Variants in ZMYM2 observed in about 807,000 individuals in gnomAD.
ZMYM2 encodes zinc finger MYM-type containing 2.
In ZMYM2, 56 loss-of-function variants were observed where a neutral mutation model predicts 162.8. The observed-to-expected ratio is 0.34, with a 90% CI of 0.28 to 0.43. The LOEUF (loss-of-function observed/expected upper bound fraction) is 0.43. Among genes scored for constraint, ZMYM2 ranks in the 20% least tolerant of loss-of-function variants. ZMYM2 has a pLI of 1.00. For missense variants in ZMYM2, 1,275 were observed against 1,621.8 expected, an observed-to-expected ratio of 0.79 and a Z score of 3.67; for synonymous variants, 510 against 541.6, an observed-to-expected ratio of 0.94 and a Z score of 0.81.
the ZMYM2 span, among the ~76,000 whole-genome samples, chr13:19,875,612 G>A: frequency 9.0e-6 from 1 of 111,258 alleles, no homozygotes; most frequent in East Asian, 2.7e-4. Flanking sequence ...TGGCAACAGA[G>A]CAAGACTCCA....
intron 2 of ZMYM2, among the ~76,000 whole-genome samples, chr13:19,977,813 T>C (rs929769231): frequency 1.3e-5 from 2 of 151,504 alleles, no homozygotes; most frequent in African/African-American, 2.4e-5. Flanking sequence ...TCTTCTATTA[T>C]TGCTTTTTAT....
the ZMYM2 span, among the ~76,000 whole-genome samples, chr13:19,933,954 A>C: frequency 1.3e-5 from 2 of 152,210 alleles, no homozygotes; most frequent in Non-Finnish European, 2.9e-5. Flanking sequence ...TTATCAGTGC[A>C]TTTAACCCAT....
chr13:19,898,292 G>T, the ZMYM2 span, among the ~76,000 whole-genome samples: 1,315 of 151,280 alleles, frequency 8.7e-3, 23 homozygotes, highest in African/African-American at 0.031. Context: ...GAGTGCAGTG[G>T]CACGATCTTG....
the ZMYM2 span, among the ~76,000 whole-genome samples, chr13:19,868,767 T>C: frequency 6.6e-6 from 1 of 152,164 alleles, no homozygotes; most frequent in Non-Finnish European, 1.5e-5. Flanking sequence ...ATTATTATTT[T>C]TGAGACAGAA....
the ZMYM2 span, among the ~76,000 whole-genome samples, chr13:19,951,241 A>G: frequency 1.9e-3 from 286 of 152,310 alleles, 1 homozygote; most frequent in African/African-American, 6.6e-3. Context: ...GAGATACATT[A>G]AAAAGCTTCT....
chr13:20,004,139 T>C (rs1024543910), intron 4 of ZMYM2, among the ~76,000 whole-genome samples: 4 of 152,250 alleles, frequency 2.6e-5, no homozygotes, highest in Non-Finnish European at 4.4e-5. Flanking sequence ...ATTCAAATAC[T>C]GAAACAATTG....
intron 10 of ZMYM2, among the ~76,000 whole-genome samples, chr13:20,032,596 TGTC>T (rs148202408): frequency 0.044 from 6,050 of 137,508 alleles, 310 homozygotes; most frequent in Non-Finnish European, 0.072. Flanking sequence ...ATTTTTTTTC[TGTC>T]TTTTTTTTTT....
chr13:19,911,805 A>C, the ZMYM2 span, among the ~76,000 whole-genome samples: 1 of 152,240 alleles, frequency 6.6e-6, no homozygotes, highest in Non-Finnish European at 1.5e-5. Context: ...AGTTAGGGCT[A>C]TTCTGTGGGA....
At chr13:20,053,699 C>A (rs1955561084) in intron 14 of ZMYM2, among the ~76,000 whole-genome samples, 1 of 152,048 alleles carries the variant, frequency 6.6e-6, no homozygotes. Flanking sequence ...GATATGTAAC[C>A]AGACATGAGA....
the ZMYM2 span, among the ~76,000 whole-genome samples, chr13:19,948,797 ACT>A: frequency 1.3e-5 from 2 of 152,014 alleles, no homozygotes; most frequent in Admixed American, 6.6e-5. Context: ...GTGTGTGGGA[ACT>A]CTCTGAATTT....
chr13:19,948,692 A>G, the ZMYM2 span, among the ~76,000 whole-genome samples: 1 of 152,210 alleles, frequency 6.6e-6, no homozygotes, highest in Non-Finnish European at 1.5e-5. Flanking sequence ...TTTGAGTAAT[A>G]ATAATGTGTT....
chr13:19,905,414 A>T, the ZMYM2 span, among the ~76,000 whole-genome samples: 1 of 152,196 alleles, frequency 6.6e-6, no homozygotes, highest in Non-Finnish European at 1.5e-5. Flanking sequence ...GCCTAGAGAT[A>T]GTGAAGAACT....
the ZMYM2 span, among the ~76,000 whole-genome samples, chr13:19,925,355 C>T: frequency 6.6e-6 from 1 of 152,118 alleles, no homozygotes. Flanking sequence ...TAAATGTTAT[C>T]AAGTGCTTCT....
chr13:20,067,558 T>G (rs1956774424), intron 21 of ZMYM2, among the ~76,000 whole-genome samples, 168 bp downstream of exon 21: 1 of 152,208 alleles, frequency 6.6e-6, no homozygotes. Context: ...TGACATTCTT[T>G]CCTTACCCAT....
the ZMYM2 span, among the ~76,000 whole-genome samples, chr13:19,946,064 T>C: frequency 6.6e-6 from 1 of 151,724 alleles, no homozygotes; most frequent in African/African-American, 2.4e-5. Context: ...TTAACTATCA[T>C]CAACTCACTT....
At chr13:19,864,148 C>T in the ZMYM2 span, 2 of 153,236 alleles carry the variant, frequency 1.3e-5, no homozygotes, top group Non-Finnish European at 2.9e-5. Context: ...TTGAAGGCCC[C>T]CAAGAGGGGC....
chr13:19,884,618 T>C, the ZMYM2 span, among the ~76,000 whole-genome samples: 1 of 151,934 alleles, frequency 6.6e-6, no homozygotes, highest in Non-Finnish European at 1.5e-5. Context: ...GTATTACAGC[T>C]GTTAAAGGTG....
the ZMYM2 span, among the ~76,000 whole-genome samples, chr13:19,875,304 T>G: frequency 6.6e-6 from 1 of 151,908 alleles, no homozygotes; most frequent in East Asian, 1.9e-4. Flanking sequence ...CTGGTACATA[T>G]GTACCATGGA....
the ZMYM2 span, among the ~76,000 whole-genome samples, chr13:19,912,575 C>T: frequency 6.6e-6 from 1 of 152,038 alleles, no homozygotes; most frequent in Non-Finnish European, 1.5e-5. Context: ...CTTAAGTGAT[C>T]CACCCACCTT....
Sources: allele counts gnomAD v4.1 joint callset (sites outside exome capture counted in the v4.1 genomes callset), GRCh38; gene constraint gnomAD v4.1.1; transcripts MANE v1.5; gene names NCBI Gene and HGNC (gene_info 2026-07-23, HGNC 2026-07-21).